Variants in CADM2 observed in about 807,000 individuals in gnomAD.
The protein encoded by CADM2 is cell adhesion molecule 2, also known as immunoglobulin superfamily member 4D.
A neutral mutation model predicts 49.8 loss-of-function variants in CADM2; 12 were observed. The ratio of observed to expected loss-of-function variants is 0.24; its 90% confidence interval spans 0.15 to 0.39. The LOEUF (loss-of-function observed/expected upper bound fraction) is 0.39. CADM2 is among the 10% of genes least tolerant of loss of function. The pLI is 1.00. For missense variants in CADM2, 378 were observed against 492.3 expected (o/e 0.77, Z 2.20); for synonymous variants, 214 against 175.4 (o/e 1.22, Z -1.74).
At chr3:85,455,026 T>A (rs1246640674) in intron 1 of CADM2, among the ~76,000 whole-genome samples, 1 of 152,202 alleles carries the variant, frequency 6.6e-6, no homozygotes, top group African/African-American at 2.4e-5. Context: ...AACAACTTTG[T>A]GGACAAATTA....
chr3:85,641,546 C>G (rs182637050), intron 1 of CADM2, among the ~76,000 whole-genome samples: 309 of 152,216 alleles, frequency 2.0e-3, no homozygotes, highest in African/African-American at 6.6e-3. Flanking sequence ...GAGAAAGAAG[C>G]TTGGAGTTAG....
intron 1 of CADM2, among the ~76,000 whole-genome samples, chr3:85,664,638 T>C (rs779697721): frequency 7.2e-5 from 11 of 151,940 alleles, no homozygotes; most frequent in Non-Finnish European, 1.5e-4. Flanking sequence ...GATTCTTCCA[T>C]TACTTCTCCT....
chr3:85,898,508 A>G lies in CADM2; in HGVS notation c.529+12181A>G, dbSNP rs1320461936. ...AAACCATTGTTCTGCTTTATGGTAC[A>G]ATAGATTAGTTTGCATTTTCTGCAA... On this transcript the variant is annotated intron_variant, in intron 5 of 9. Transcript: ENST00000383699. 4.6e-5 allele frequency among the ~76,000 whole-genome samples: 7 copies of G among 151,992 alleles called. No homozygotes were observed. In the East Asian group the frequency reaches 1.2e-3, roughly 25 times the overall value.
chr3:85,530,004 T>C (rs2061262144), intron 1 of CADM2, among the ~76,000 whole-genome samples: 1 of 152,136 alleles, frequency 6.6e-6, no homozygotes, highest in South Asian at 2.1e-4. Context: ...GGTTAGGCTT[T>C]GTGTCCCCAC....
intron 1 of CADM2, among the ~76,000 whole-genome samples, chr3:85,355,624 G>T (rs920082041): frequency 6.6e-6 from 1 of 152,084 alleles, no homozygotes; most frequent in Non-Finnish European, 1.5e-5. Flanking sequence ...CAAAACAATT[G>T]TAGATAATGG....
intron 8 of CADM2, among the ~76,000 whole-genome samples, chr3:85,997,563 G>A (rs1729583390): frequency 1.3e-5 from 2 of 151,974 alleles, no homozygotes; most frequent in South Asian, 4.1e-4. Flanking sequence ...CATCTTTTTG[G>A]AAACAACCTA....
chr3:85,144,620 A>AGAAAGAAAGAAAGAAAGAAAG (rs1553688088), intron 1 of CADM2, among the ~76,000 whole-genome samples: 2 of 136,366 alleles, frequency 1.5e-5, no homozygotes, highest in African/African-American at 5.7e-5. Flanking sequence ...TCAAAAAAAA[A>AGAAAGAAAGAAAGAAAGAAAG]AAAGAAAGAA....
chr3:85,860,940 A>T (rs1006068924), intron 3 of CADM2, among the ~76,000 whole-genome samples: 1 of 152,180 alleles, frequency 6.6e-6, no homozygotes, highest in African/African-American at 2.4e-5. Flanking sequence ...TAGGAACAGC[A>T]TCAAGGCCAA....
intron 3 of CADM2, among the ~76,000 whole-genome samples, chr3:85,876,380 A>C (rs1208009576): frequency 1.3e-5 from 2 of 152,154 alleles, no homozygotes; most frequent in Non-Finnish European, 1.5e-5. Context: ...CTGAAGATTG[A>C]TAATCCGCAT....
At chr3:85,417,460 T>A (rs1402594672) in intron 1 of CADM2, among the ~76,000 whole-genome samples, 1 of 152,180 alleles carries the variant, frequency 6.6e-6, no homozygotes, top group Non-Finnish European at 1.5e-5. Context: ...TTAAACGATG[T>A]CACCAACCTA....
chr3:85,131,186 GA>G (rs1228319262), intron 1 of CADM2, among the ~76,000 whole-genome samples: 35 of 143,812 alleles, frequency 2.4e-4, no homozygotes, highest in Middle Eastern at 3.4e-3. Context: ...TCTCAGAAAA[GA>G]AAAAAAAAAT....
chr3:85,554,324 G>A (rs1015207346), intron 1 of CADM2, among the ~76,000 whole-genome samples: 2 of 152,158 alleles, frequency 1.3e-5, no homozygotes, highest in Non-Finnish European at 2.9e-5. Flanking sequence ...GAGTTCAGGC[G>A]GTAATGCTGG....
At chr3:85,152,696 G>A (rs1174041748) in intron 1 of CADM2, among the ~76,000 whole-genome samples, 3 of 152,046 alleles carry the variant, frequency 2.0e-5, no homozygotes, top group Admixed American at 1.3e-4. Context: ...GGTGGCTCAC[G>A]CCTGTAATCC....
intron 5 of CADM2, among the ~76,000 whole-genome samples, chr3:85,891,613 G>A (rs778805891): frequency 6.6e-6 from 1 of 152,164 alleles, no homozygotes; most frequent in Non-Finnish European, 1.5e-5. Context: ...AGAAGGGGTA[G>A]AGTCAGAGAG....
At chr3:85,568,291 C>G (rs1389915950) in intron 1 of CADM2, among the ~76,000 whole-genome samples, 1 of 152,092 alleles carries the variant, frequency 6.6e-6, no homozygotes, top group Non-Finnish European at 1.5e-5. Flanking sequence ...AGAAATCTTA[C>G]ACAGTTTAGA....
chr3:85,267,726 T>C (rs2043152528), intron 1 of CADM2, among the ~76,000 whole-genome samples: 1 of 151,482 alleles, frequency 6.6e-6, no homozygotes, highest in South Asian at 2.1e-4. Flanking sequence ...GAGCTCGTAA[T>C]TGGACATAAA....
intron 8 of CADM2, among the ~76,000 whole-genome samples, chr3:85,979,608 A>C (rs1218238134): frequency 6.6e-6 from 1 of 151,650 alleles, no homozygotes; most frequent in Non-Finnish European, 1.5e-5. Context: ...ACAAATAAAT[A>C]AGATGTTCAT....
chr3:85,360,765 T>C (rs941038408), intron 1 of CADM2, among the ~76,000 whole-genome samples: 1 of 152,192 alleles, frequency 6.6e-6, no homozygotes, highest in African/African-American at 2.4e-5. Context: ...TTACATTTTA[T>C]TGAAGCATCA....
intron 1 of CADM2, among the ~76,000 whole-genome samples, chr3:85,357,130 T>G (rs993792185): frequency 1.3e-5 from 2 of 152,106 alleles, no homozygotes; most frequent in African/African-American, 4.8e-5. Flanking sequence ...CTTCAACATA[T>G]GTGGGAAAAA....
Sources: allele counts gnomAD v4.1 joint callset (sites outside exome capture counted in the v4.1 genomes callset), GRCh38; gene constraint gnomAD v4.1.1; transcripts MANE v1.5; gene names NCBI Gene and HGNC (gene_info 2026-07-23, HGNC 2026-07-21).